EEA1: variants seen among roughly 807,000 people sequenced by gnomAD.
EEA1 encodes the protein early endosome antigen 1, 162kD.
EEA1 carries 111 observed loss-of-function variants against 209.2 expected under a neutral mutation model. The observed-to-expected ratio is 0.53, with a 90% CI of 0.45 to 0.62. The LOEUF is 0.62. Among genes scored for constraint, EEA1 ranks in the 20% least tolerant of loss-of-function variants. EEA1 has a pLI of 0.00. For synonymous variants in EEA1, 536 were observed against 540.6 expected (o/e 0.99, Z 0.12); for missense variants, 1,343 against 1,530.8 (o/e 0.88, Z 2.05).
At chr12:92,801,481 A>G (rs1874904548) in intron 20 of EEA1, 119 bp downstream of exon 20, 1 of 615,186 alleles carries the variant, frequency 1.6e-6, no homozygotes, top group African/African-American at 1.9e-5. Context: ...TCTTAAAACT[A>G]TAAAAAAAAA....
rs1565818167 is a variant in EEA1 at position 92,811,643 on chromosome 12, T to C, written c.2044-209A>G. Among the ~76,000 whole-genome samples, 5 of 152,234 alleles carry C rather than the reference T, an allele frequency of 3.3e-5. No individual in the cohort carries two copies. In the South Asian group the frequency reaches 6.2e-4, roughly 19 times the overall value. On this transcript the variant is annotated intron_variant, in intron 16 of 28. Coordinates refer to ENST00000322349, the MANE Select transcript of EEA1 (RefSeq NM_003566.4). ...TTCTTGCATAGTCTGAGATCCTAAG[T>C]TTATATGTATAACAGTTTAATAACT... is the stretch of plus-strand genomic sequence containing the variant.
chr12:92,824,064 C>G (rs1876183444), intron 13 of EEA1, among the ~76,000 whole-genome samples: 1 of 152,186 alleles, frequency 6.6e-6, no homozygotes, highest in South Asian at 2.1e-4. Flanking sequence ...GCAAATCACC[C>G]TAATCAAGGT....
chr12:92,904,710 A>G (rs1880297789), intron 1 of EEA1, among the ~76,000 whole-genome samples: 1 of 152,214 alleles, frequency 6.6e-6, no homozygotes, highest in African/African-American at 2.4e-5. Context: ...CATTTTACTT[A>G]TGTTTACTCT....
At chr12:92,799,113 C>T (rs1232640055) in intron 20 of EEA1, 27 bp from the exon 21 acceptor site, 1 of 1,527,140 alleles carries the variant, frequency 6.5e-7, no homozygotes, top group Non-Finnish European at 8.8e-7. Flanking sequence ...ATCTATTTAG[C>T]CTTCATTTGT....
At chr12:92,901,812 G>A (rs1006918490) in intron 1 of EEA1, among the ~76,000 whole-genome samples, 5 of 151,790 alleles carry the variant, frequency 3.3e-5, no homozygotes, top group South Asian at 2.1e-4. Context: ...CAGATGATCC[G>A]CCCACCTCAG....
intron 3 of EEA1, chr12:92,858,427 A>G (rs939419576): frequency 7.3e-6 from 9 of 1,228,162 alleles, no homozygotes; most frequent in Non-Finnish European, 9.6e-6. Flanking sequence ...CAGTCACCAG[A>G]TATTTCTGAA....
chr12:92,878,029 T>C (rs1187473326), intron 2 of EEA1, among the ~76,000 whole-genome samples: 3 of 152,186 alleles, frequency 2.0e-5, no homozygotes, highest in Non-Finnish European at 2.9e-5. Context: ...GTCCTTGTGG[T>C]TGCTCTTTGG....
intron 5 of EEA1, among the ~76,000 whole-genome samples, chr12:92,854,598 G>A (rs1479770274): frequency 1.3e-5 from 2 of 152,168 alleles, no homozygotes; most frequent in Non-Finnish European, 2.9e-5. Context: ...GAAAGCTTAG[G>A]CCATGGCAGG....
At chr12:92,820,486 T>TA (rs1875996491) in intron 13 of EEA1, among the ~76,000 whole-genome samples, 1 of 152,126 alleles carries the variant, frequency 6.6e-6, no homozygotes, top group East Asian at 1.9e-4. Context: ...CACCGATAGA[T>TA]AACTCCTCTC....
intron 2 of EEA1, among the ~76,000 whole-genome samples, chr12:92,878,877 AAAC>A (rs1879022157): frequency 6.6e-6 from 1 of 152,206 alleles, no homozygotes; most frequent in South Asian, 2.1e-4. Flanking sequence ...GATTCCTTAA[AAAC>A]ACAATTCACC....
At chr12:92,825,001 G>A (rs1475095145) in intron 13 of EEA1, among the ~76,000 whole-genome samples, 1 of 152,210 alleles carries the variant, frequency 6.6e-6, no homozygotes. Flanking sequence ...ACTCAGAAGA[G>A]AAGGGCATAT....
At chr12:92,866,034 C>T (rs1000751141) in intron 2 of EEA1, among the ~76,000 whole-genome samples, 1 of 151,652 alleles carries the variant, frequency 6.6e-6, no homozygotes, top group African/African-American at 2.4e-5. Flanking sequence ...CAGGCATGAG[C>T]CACCATGCCC....
intron 2 of EEA1, among the ~76,000 whole-genome samples, chr12:92,887,488 C>T (rs1159130974): frequency 6.6e-6 from 1 of 151,520 alleles, no homozygotes; most frequent in Non-Finnish European, 1.5e-5. Flanking sequence ...CTACCAAAAA[C>T]AACAACAACA....
chr12:92,834,373 A>G (rs1053470486), intron 10 of EEA1, among the ~76,000 whole-genome samples: 1 of 151,840 alleles, frequency 6.6e-6, no homozygotes, highest in Admixed American at 6.6e-5. Flanking sequence ...GCAAGACTCT[A>G]TCTCTACCAA....
chr12:92,862,113 C>G (rs904639922), intron 3 of EEA1, among the ~76,000 whole-genome samples: 9 of 152,168 alleles, frequency 5.9e-5, no homozygotes, highest in Non-Finnish European at 1.5e-5. Flanking sequence ...ACATAGCCTG[C>G]TCATAGTCAC....
intron 1 of EEA1, among the ~76,000 whole-genome samples, chr12:92,896,709 G>C (rs1310366772): frequency 6.6e-6 from 1 of 151,948 alleles, no homozygotes; most frequent in East Asian, 1.9e-4. Flanking sequence ...AGGGAGGCAG[G>C]AGAATCGCTT....
At chr12:92,860,710 T>A (rs1404848289) in intron 3 of EEA1, among the ~76,000 whole-genome samples, 4 of 152,110 alleles carry the variant, frequency 2.6e-5, no homozygotes, top group African/African-American at 9.7e-5. Flanking sequence ...TGGAGAAAGC[T>A]GACTTAGCTG....
chr12:92,896,158 G>A (rs1379155682), intron 1 of EEA1, among the ~76,000 whole-genome samples: 2 of 151,978 alleles, frequency 1.3e-5, no homozygotes, highest in African/African-American at 4.8e-5. Context: ...ATTTTTAGTA[G>A]AGACAGGGTT....
In EEA1 at chr12:92,801,491, A is replaced by G. The variant is rs947726237; in HGVS notation, c.2772+109T>C. On this transcript the variant is annotated intron_variant, in intron 20 of 28. Coordinates refer to ENST00000322349, the MANE Select transcript of EEA1 (RefSeq NM_003566.4). ...ATTTTTCTTAAAACTATAAAAAAAA[A>G]TTATCTGTGGAAATGCCCCCAAGAA... 26 of 668,428 alleles carry G rather than the reference A, an allele frequency of 3.9e-5. No homozygotes were observed. The East Asian group carries it at 8.7e-4, about 22-fold the overall frequency. 41.4% of individuals were successfully genotyped at this position (668,428 alleles called of 1,614,324 possible).
Sources: gnomAD v4.1 joint callset for allele counts (sites outside exome capture counted in the v4.1 genomes callset) on GRCh38, gnomAD v4.1.1 for gene constraint, MANE v1.5 for transcripts, NCBI Gene and HGNC (gene_info 2026-07-23, HGNC 2026-07-21) for gene names.